ANKS1B: variants seen among roughly 807,000 people sequenced by gnomAD.
ANKS1B encodes ankyrin repeat and sterile alpha motif domain containing 1B.
Under a neutral mutation model 148.3 loss-of-function variants are expected in ANKS1B, and 36 were observed. The ratio of observed to expected loss-of-function variants is 0.24; its 90% CI spans 0.19 to 0.32. ANKS1B has a LOEUF of 0.32. Among genes scored for constraint, ANKS1B ranks in the 10% least tolerant of loss-of-function variants. The pLI is 1.00. For missense variants in ANKS1B, 1,157 were observed against 1,542.6 expected, an observed-to-expected ratio of 0.75 and a Z score of 4.19; for synonymous variants, 542 against 560.8, an observed-to-expected ratio of 0.97 and a Z score of 0.47.
At chr12:99,945,407 A>AGTAT (rs2153818841) in intron 1 of ANKS1B, among the ~76,000 whole-genome samples, 1 of 152,020 alleles carries the variant, frequency 6.6e-6, no homozygotes, top group African/African-American at 2.4e-5. Context: ...AAACAAAAGT[A>AGTAT]GTATGAGATT....
intron 9 of ANKS1B, among the ~76,000 whole-genome samples, chr12:99,568,120 C>T (rs2097416743): frequency 6.6e-6 from 1 of 152,182 alleles, no homozygotes; most frequent in African/African-American, 2.4e-5. Context: ...TTACTATTCT[C>T]TAAGTCAGAA....
intron 12 of ANKS1B, among the ~76,000 whole-genome samples, chr12:99,289,576 T>C (rs2079618204): frequency 6.6e-6 from 1 of 152,044 alleles, no homozygotes; most frequent in Non-Finnish European, 1.5e-5. Flanking sequence ...GTCTCTTCTC[T>C]GACCACAATG....
At chr12:99,489,157 A>G (rs2096531094) in intron 10 of ANKS1B, among the ~76,000 whole-genome samples, 1 of 151,060 alleles carries the variant, frequency 6.6e-6, no homozygotes. Flanking sequence ...CAGGAGAATC[A>G]CTTGAACCCG....
At chr12:99,982,203 C>T (rs2095712354) in intron 1 of ANKS1B, among the ~76,000 whole-genome samples, 2 of 151,978 alleles carry the variant, frequency 1.3e-5, no homozygotes, top group African/African-American at 2.4e-5. Flanking sequence ...GCTACTACTA[C>T]TACTACTACA....
intron 17 of ANKS1B, among the ~76,000 whole-genome samples, chr12:99,017,933 A>C (rs1253130587): frequency 6.6e-6 from 1 of 151,878 alleles, no homozygotes; most frequent in Non-Finnish European, 1.5e-5. Flanking sequence ...TCCCCTCCCC[A>C]CCTTTTTTAA....
intron 14 of ANKS1B, among the ~76,000 whole-genome samples, chr12:99,162,264 T>C (rs1030738819): frequency 3.3e-5 from 5 of 152,150 alleles, no homozygotes; most frequent in African/African-American, 1.2e-4. Flanking sequence ...GTTGCACAAC[T>C]CTGTGACTAC....
intron 14 of ANKS1B, among the ~76,000 whole-genome samples, chr12:99,166,040 C>G (rs1355937001): frequency 1.3e-5 from 2 of 151,744 alleles, no homozygotes; most frequent in African/African-American, 4.8e-5. Flanking sequence ...ATCCTCTCCG[C>G]AGATGCAAGA....
chr12:99,789,084 C>G (rs1184838705), intron 4 of ANKS1B, among the ~76,000 whole-genome samples: 1 of 152,198 alleles, frequency 6.6e-6, no homozygotes, highest in East Asian at 1.9e-4. Context: ...GGCTTCAGGT[C>G]TGACCCAACA....
intron 8 of ANKS1B, among the ~76,000 whole-genome samples, chr12:99,760,413 A>C (rs7980435): frequency 2.0e-5 from 3 of 151,704 alleles, no homozygotes; most frequent in African/African-American, 7.3e-5. Context: ...AAATCTTTTC[A>C]ATTTCATGAA....
At chr12:99,957,639 A>G (rs1048217826) in intron 1 of ANKS1B, among the ~76,000 whole-genome samples, 1 of 152,196 alleles carries the variant, frequency 6.6e-6, no homozygotes, top group Non-Finnish European at 1.5e-5. Context: ...TACCTGGTTG[A>G]CTTATTAAAT....
At position 99,406,438 on chromosome 12, in the gene ANKS1B, G is replaced by A. The variant is rs963506828; in HGVS notation, c.1576-6627C>T. ...CTACTGAATGACCAAATGGGTCAAT[G>A]AAGAAATTAAGAGGGGAATTTAAAA... is the stretch of plus-strand genomic sequence containing the variant. On this transcript the variant is annotated intron_variant, in intron 11 of 26. Coordinates refer to ENST00000683438, the MANE Select transcript of ANKS1B (RefSeq NM_001352186.2). Among the ~76,000 whole-genome samples, 9 of 145,718 alleles carry A rather than the reference G, an allele frequency of 6.2e-5. 1 individual carries two copies. The highest frequency in any genetic ancestry group is 1.2e-4 in the Non-Finnish European group (8 of 65,902).
chr12:99,974,937 A>C (rs992495848), intron 1 of ANKS1B, among the ~76,000 whole-genome samples: 1 of 152,140 alleles, frequency 6.6e-6, no homozygotes, highest in Non-Finnish European at 1.5e-5. Flanking sequence ...CATCAGAAGA[A>C]TCACTATGTA....
At chr12:98,816,884 T>C (rs1018697475) in intron 19 of ANKS1B, among the ~76,000 whole-genome samples, 3 of 152,164 alleles carry the variant, frequency 2.0e-5, no homozygotes, top group Middle Eastern at 3.2e-3. Context: ...TCTGGAAAGC[T>C]TCTGGGAGTC....
Position 99,402,501 on chromosome 12 carries a change from T to C in ANKS1B, c.1576-2690A>G, listed in dbSNP as rs2094432026. Among the ~76,000 whole-genome samples, 2 of 145,308 alleles carry C rather than the reference T, an allele frequency of 1.4e-5. 1 individual carries two copies. Among genetic ancestry groups the C allele is most frequent in the African/African-American group, 5.2e-5 (2 of 38,098 alleles). On this transcript the variant is annotated intron_variant, in intron 11 of 26. Coordinates refer to ENST00000683438, the MANE Select transcript of ANKS1B (RefSeq NM_001352186.2). ...CCACCATCTGATAGGCCCCAGTGTGTGTTGTTCCCCTCTATGTGTCCATGT... is the reference window on the plus strand; with the variant it reads ...CCACCATCTGATAGGCCCCAGTGTGCGTTGTTCCCCTCTATGTGTCCATGT...
chr12:99,531,485 C>T (rs1322078359), intron 9 of ANKS1B, among the ~76,000 whole-genome samples: 1 of 152,086 alleles, frequency 6.6e-6, no homozygotes, highest in Non-Finnish European at 1.5e-5. Flanking sequence ...TTCCAAGTTA[C>T]TTCACTTAGG....
chr12:99,360,209 A>C (rs1460872521), intron 12 of ANKS1B, among the ~76,000 whole-genome samples: 1 of 152,138 alleles, frequency 6.6e-6, no homozygotes, highest in Non-Finnish European at 1.5e-5. Flanking sequence ...CATCTTTGTC[A>C]CTAACAGAAT....
At chr12:99,395,794 C>T (rs1181160600) in intron 12 of ANKS1B, among the ~76,000 whole-genome samples, 1 of 152,130 alleles carries the variant, frequency 6.6e-6, no homozygotes, top group African/African-American at 2.4e-5. Context: ...CATTGGTTCA[C>T]TTAAAAGTGT....
Position 99,134,628 on chromosome 12 carries a change from G to GTCTC in ANKS1B, c.2526+19657_2526+19660dup, listed in dbSNP as rs773301655. 7.9e-3 allele frequency among the ~76,000 whole-genome samples: 883 copies of GTCTC among 112,326 alleles called. 13 individuals are homozygous for GTCTC. The highest frequency in any genetic ancestry group is 0.01 in the African/African-American group (270 of 25,828). 73.7% of individuals were successfully genotyped at this position (112,326 alleles called of 152,430 possible). A position where few individuals can be genotyped will look rare whatever the true frequency, so the allele number is the denominator to read the frequency against. On this transcript the variant is annotated intron_variant, in intron 15 of 26. Coordinates refer to ENST00000683438, the MANE Select transcript of ANKS1B (RefSeq NM_001352186.2). Reference sequence around the variant, plus strand: ...TTTCTCTCTGTCTCTATCCCTTTCTGTCTCTCTCTCTCTCTCTCACACACA... The same window carrying GTCTC: ...TTTCTCTCTGTCTCTATCCCTTTCTGTCTCTCTCTCTCTCTCTCTCTCACACACA...
At chr12:99,459,666 C>CA (rs57387287) in intron 10 of ANKS1B, among the ~76,000 whole-genome samples, 5,639 of 142,380 alleles carry the variant, frequency 0.04, 351 homozygotes, top group African/African-American at 0.14. Context: ...ACAATAGCTA[C>CA]AAAAAAAAAA....
Sources: gnomAD v4.1 joint callset for allele counts (sites outside exome capture counted in the v4.1 genomes callset) on GRCh38, gnomAD v4.1.1 for gene constraint, MANE v1.5 for transcripts, NCBI Gene and HGNC (gene_info 2026-07-23, HGNC 2026-07-21) for gene names.